Variants in ABHD17B observed in about 807,000 individuals in gnomAD.
ABHD17B encodes abhydrolase domain containing 17B, depalmitoylase.
Under a neutral mutation model 26.2 loss-of-function variants are expected in ABHD17B, and 9 were observed. The observed-to-expected ratio is 0.34, with a 90% CI of 0.21 to 0.60. ABHD17B has a LOEUF of 0.60. ABHD17B is among the 20% of genes least tolerant of loss of function. The pLI is 0.80. For synonymous variants in ABHD17B, 127 were observed against 122.3 expected (o/e 1.04, Z -0.25); for missense variants, 224 against 352.1 (o/e 0.64, Z 2.91).
chr9:71,862,860 TA>T (rs1314774847), downstream of ABHD17B, among the ~76,000 whole-genome samples: 1 of 152,186 alleles, frequency 6.6e-6, no homozygotes, highest in Non-Finnish European at 1.5e-5. Flanking sequence ...TGCAGCCTTC[TA>T]GTCTTGGACT....
rs544971502 is a variant in ABHD17B, at chr9:71,894,353, T to C, written c.-4+16281A>G. On this transcript the variant is annotated intron_variant, in intron 1 of 3. Coordinates refer to ENST00000333421, the MANE Select transcript of ABHD17B (RefSeq NM_001025780.3). ...TAAATACATTAAATTTCAAATTTTT[T>C]AGATTTTTTAAAGATGGTGTCTCAG... Among the ~76,000 whole-genome samples, 3 of 152,248 alleles carry C rather than the reference T, an allele frequency of 2.0e-5. No homozygotes were observed. In the East Asian group the frequency reaches 5.8e-4, roughly 29 times the overall value.
At chr9:71,886,837 C>T (rs934568172) in intron 1 of ABHD17B, among the ~76,000 whole-genome samples, 1 of 152,020 alleles carries the variant, frequency 6.6e-6, no homozygotes, top group Non-Finnish European at 1.5e-5. Flanking sequence ...GGATGAACTG[C>T]ATGCTACATG....
At chr9:71,874,177 AT>A (rs11419236) in intron 2 of ABHD17B, among the ~76,000 whole-genome samples, 295 of 146,920 alleles carry the variant, frequency 2.0e-3, no homozygotes, top group African/African-American at 2.9e-3. Context: ...ACTGGATTTA[AT>A]TTTTTTTTTT....
intron 1 of ABHD17B, among the ~76,000 whole-genome samples, chr9:71,894,373 T>C (rs1480730739): frequency 1.3e-5 from 2 of 152,050 alleles, no homozygotes; most frequent in East Asian, 3.9e-4. Flanking sequence ...AAAGATGGTG[T>C]CTCAGTCTGT....
Position 71,903,848 on chromosome 9 carries a change from G to T in ABHD17B, c.-4+6786C>A, listed in dbSNP as rs908676384. On this transcript the variant is annotated intron_variant, in intron 1 of 3. Transcript: ENST00000333421. ...AGTACAGAGTGCTATGAGAACAAGT[G>T]GGGGGCGGGAAGTAGGCACTTTCAC... Among the ~76,000 whole-genome samples, 30 of 152,136 alleles carry T rather than the reference G, an allele frequency of 2.0e-4. 1 individual carries two copies. The highest frequency in any genetic ancestry group is 2.0e-3 in the Admixed American group (30 of 15,270).
At position 71,873,270 on chromosome 9, in the gene ABHD17B, A is replaced by G. The variant is rs1048682858; in HGVS notation, c.467+1344T>C. Among the ~76,000 whole-genome samples, 15 of 152,196 alleles carry G rather than the reference A, an allele frequency of 9.9e-5. 1 individual carries two copies. Among genetic ancestry groups the G allele is most frequent in the Admixed American group, 5.2e-4 (8 of 15,286 alleles). On this transcript the variant is annotated intron_variant, in intron 2 of 3. Transcript: ENST00000333421. ...ACCAAATTGTGATTTTTTTTTCAAG[A>G]AAAATGTTTAGGTATCTTGGTGACT...
intron 1 of ABHD17B, among the ~76,000 whole-genome samples, chr9:71,894,509 T>G (rs1236672374): frequency 1.3e-5 from 2 of 152,182 alleles, no homozygotes; most frequent in Non-Finnish European, 2.9e-5. Context: ...GACACCCAGC[T>G]GCCAAAATTT....
intron 2 of ABHD17B, 81 bp from the exon 3 acceptor site, chr9:71,870,343 C>G: frequency 7.7e-7 from 1 of 1,302,548 alleles, no homozygotes; most frequent in Non-Finnish European, 1.0e-6. Context: ...AGGATTTGAT[C>G]TTAGAATAAG....
At chr9:71,879,692 C>T (rs1367778429) in intron 1 of ABHD17B, among the ~76,000 whole-genome samples, 2 of 152,184 alleles carry the variant, frequency 1.3e-5, no homozygotes, top group Non-Finnish European at 2.9e-5. Context: ...TCAGAAAAGG[C>T]TTCCACTACT....
chr9:71,871,535 T>C (rs1007109359), intron 2 of ABHD17B, among the ~76,000 whole-genome samples: 1 of 152,240 alleles, frequency 6.6e-6, no homozygotes, highest in African/African-American at 2.4e-5. Flanking sequence ...TGAGGCTGCA[T>C]TGTTGCTGTC....
intron 1 of ABHD17B, among the ~76,000 whole-genome samples, chr9:71,904,127 C>T (rs897129869): frequency 2.0e-5 from 3 of 152,222 alleles, no homozygotes; most frequent in African/African-American, 4.8e-5. Context: ...CAACTAACTC[C>T]TTTGGTCCAC....
At chr9:71,886,309 C>G (rs114587955) in intron 1 of ABHD17B, among the ~76,000 whole-genome samples, 4 of 151,868 alleles carry the variant, frequency 2.6e-5, no homozygotes, top group African/African-American at 9.7e-5. Context: ...TTTCCTGGGC[C>G]AGGCACAGTG....
At chr9:71,896,779 A>G (rs1826971260) in intron 1 of ABHD17B, among the ~76,000 whole-genome samples, 1 of 152,282 alleles carries the variant, frequency 6.6e-6, no homozygotes, top group African/African-American at 2.4e-5. Flanking sequence ...ACAGAATTAA[A>G]AGGGAAAATG....
chr9:71,865,522 C>A lies in ABHD17B; in HGVS notation c.*1265G>T, dbSNP rs548802405. 186 of 984,858 alleles carry A rather than the reference C, an allele frequency of 1.9e-4. No homozygotes were observed. Among genetic ancestry groups the A allele is most frequent in the Admixed American group, 2.5e-4 (4 of 16,240 alleles). 61.0% of individuals were successfully genotyped at this position (984,858 alleles called of 1,614,324 possible). A position where few individuals can be genotyped will look rare whatever the true frequency, so the allele number is the denominator to read the frequency against. On this transcript the variant is annotated 3_prime_UTR_variant, in exon 4 of 4. Coordinates refer to ENST00000333421, the MANE Select transcript of ABHD17B (RefSeq NM_001025780.3). The stretch of plus-strand genomic sequence containing the variant: ...TTATCTCCTATACCCAGGAGTGAAT[C>A]CATGAAATTCTCAGATAGTAATCCA...
intron 1 of ABHD17B, among the ~76,000 whole-genome samples, chr9:71,891,662 G>A (rs979197469): frequency 4.6e-5 from 7 of 152,134 alleles, no homozygotes; most frequent in African/African-American, 1.7e-4. Flanking sequence ...TGCAGAATTG[G>A]AACTCCTGTA....
intron 1 of ABHD17B, among the ~76,000 whole-genome samples, chr9:71,901,572 C>T (rs1298669630): frequency 6.6e-6 from 1 of 152,026 alleles, no homozygotes; most frequent in Non-Finnish European, 1.5e-5. Context: ...CGCACCTAAA[C>T]CTAATGCTTT....
At chr9:71,877,412 G>A (rs753921124) in intron 1 of ABHD17B, among the ~76,000 whole-genome samples, 2 of 152,118 alleles carry the variant, frequency 1.3e-5, no homozygotes, top group Non-Finnish European at 2.9e-5. Flanking sequence ...CTCTTAGCCA[G>A]AAACACTTTT....
At chr9:71,869,582 GTTAAT>G (rs1826052849) in intron 3 of ABHD17B, among the ~76,000 whole-genome samples, 1 of 152,032 alleles carries the variant, frequency 6.6e-6, no homozygotes, top group South Asian at 2.1e-4. Flanking sequence ...TACTAATCTA[GTTAAT>G]TTAAGATTCA....
chr9:71,905,000 A>T (rs749248580), intron 1 of ABHD17B, among the ~76,000 whole-genome samples: 1 of 152,234 alleles, frequency 6.6e-6, no homozygotes, highest in Non-Finnish European at 1.5e-5. Flanking sequence ...GAATTTTTAT[A>T]ACCCCAGTAT....
Sources: gnomAD v4.1 joint callset for allele counts (sites outside exome capture counted in the v4.1 genomes callset) on GRCh38, gnomAD v4.1.1 for gene constraint, MANE v1.5 for transcripts, NCBI Gene and HGNC (gene_info 2026-07-23, HGNC 2026-07-21) for gene names.